The following ANO4 variants were observed in gnomAD, a reference collection of about 807,000 sequenced individuals.
ANO4 encodes anoctamin 4, also known as anoctamin-4.
In ANO4, 69 loss-of-function variants were observed where a neutral mutation model predicts 141.9. The observed-to-expected ratio is 0.49, with a 90% confidence interval of 0.40 to 0.59. ANO4 has a LOEUF of 0.59. Among genes scored for constraint, ANO4 ranks in the 20% least tolerant of loss-of-function variants. The pLI, the probability that ANO4 is intolerant of heterozygous loss-of-function variation, is 0.00. For missense variants in ANO4, 894 were observed against 1,162.2 expected (o/e 0.77, Z 3.36); for synonymous variants, 350 against 394.3 (o/e 0.89, Z 1.33).
At chr12:100,992,247 A>G (rs1030058907) in intron 8 of ANO4, among the ~76,000 whole-genome samples, 2 of 152,176 alleles carry the variant, frequency 1.3e-5, no homozygotes, top group East Asian at 3.8e-4. Context: ...AACTTTAGAC[A>G]CCAAAATTAT....
At chr12:101,095,020 C>T (rs568832646) in intron 18 of ANO4, among the ~76,000 whole-genome samples, 1 of 152,216 alleles carries the variant, frequency 6.6e-6, no homozygotes, top group African/African-American at 2.4e-5. Flanking sequence ...AAGAAATTGT[C>T]CCAATTTTAT....
upstream of ANO4, among the ~76,000 whole-genome samples, chr12:100,790,475 A>G (rs1323759613): frequency 5.3e-5 from 8 of 152,180 alleles, no homozygotes; most frequent in African/African-American, 1.9e-4. Flanking sequence ...TAACATTGGT[A>G]AGACTTAAGT....
chr12:101,109,578 A>T (rs2050583412), intron 22 of ANO4, among the ~76,000 whole-genome samples: 1 of 152,154 alleles, frequency 6.6e-6, no homozygotes, highest in South Asian at 2.1e-4. Flanking sequence ...AACAAAAAAC[A>T]AAACAAACAA....
At chr12:101,063,574 T>C (rs1293629362) in intron 14 of ANO4, among the ~76,000 whole-genome samples, 1 of 152,052 alleles carries the variant, frequency 6.6e-6, no homozygotes, top group Non-Finnish European at 1.5e-5. Context: ...GTTGGCCTCA[T>C]AAAGTGAGTT....
At chr12:100,949,210 A>G (rs1217140149) in intron 5 of ANO4, among the ~76,000 whole-genome samples, 1 of 152,206 alleles carries the variant, frequency 6.6e-6, no homozygotes, top group Non-Finnish European at 1.5e-5. Flanking sequence ...AAAGCAGAGA[A>G]CCCAGCTCAG....
In ANO4 at chr12:100,962,360, A is replaced by G. The variant is rs535864446; in HGVS notation, c.457-8946A>G. ...GAGAAGTGTACAGTCTCACAAAGACAGCAATGAAATCTATAATTAGAGTAT... is the reference window on the plus strand; with the variant it reads ...GAGAAGTGTACAGTCTCACAAAGACGGCAATGAAATCTATAATTAGAGTAT... On this transcript the variant is annotated intron_variant, in intron 5 of 27. Transcript: ENST00000392977. Among the ~76,000 whole-genome samples, 3 of 152,352 alleles carry G rather than the reference A, an allele frequency of 2.0e-5. No homozygotes were observed. In the South Asian group the frequency reaches 6.2e-4, roughly 32 times the overall value.
At chr12:100,888,680 A>G (rs1271435130) in intron 1 of ANO4, among the ~76,000 whole-genome samples, 2 of 152,204 alleles carry the variant, frequency 1.3e-5, no homozygotes, top group Non-Finnish European at 2.9e-5. Flanking sequence ...TTCCCAGGAC[A>G]CAGAACAGGT....
At chr12:100,724,021 C>CG (rs1241387587) in intron 1 of ANO4, among the ~76,000 whole-genome samples, 4 of 91,388 alleles carry the variant, frequency 4.4e-5, no homozygotes, top group African/African-American at 2.6e-4. Flanking sequence ...CAAAAACAAA[C>CG]AAAAAACAAA....
At chr12:100,981,437 GGGAAGGAA>G (rs149796199) in intron 7 of ANO4, among the ~76,000 whole-genome samples, 12,807 of 150,420 alleles carry the variant, frequency 0.085, 731 homozygotes, top group Admixed American at 0.18. Flanking sequence ...AAGAAAAGGA[GGGAAGGAA>G]GGAAGGAAGG....
At chr12:101,101,315 C>G (rs1209684173) in intron 22 of ANO4, among the ~76,000 whole-genome samples, 1 of 152,100 alleles carries the variant, frequency 6.6e-6, no homozygotes, top group Non-Finnish European at 1.5e-5. Flanking sequence ...TTGTTTCATT[C>G]AACATCATCT....
At chr12:101,126,727 C>T in intron 26 of ANO4, 152 bp from the exon 27 acceptor site, 1 of 638,498 alleles carries the variant, frequency 1.6e-6, no homozygotes, top group South Asian at 2.2e-5. Flanking sequence ...TCAGGCCTCA[C>T]CTGTCCTATC....
At chr12:100,806,034 T>A (rs2035001118) in intron 1 of ANO4, among the ~76,000 whole-genome samples, 1 of 152,078 alleles carries the variant, frequency 6.6e-6, no homozygotes, top group Non-Finnish European at 1.5e-5. Flanking sequence ...TCGGGAGGAT[T>A]TAGGGATGAA....
chr12:100,808,882 C>G (rs1224678831), intron 1 of ANO4, among the ~76,000 whole-genome samples: 3 of 152,146 alleles, frequency 2.0e-5, no homozygotes, highest in East Asian at 3.8e-4. Flanking sequence ...GTTTTTCACA[C>G]CCACAAATTC....
intron 1 of ANO4, among the ~76,000 whole-genome samples, chr12:100,850,364 C>T (rs1424968455): frequency 1.3e-5 from 2 of 152,132 alleles, no homozygotes; most frequent in Non-Finnish European, 2.9e-5. Flanking sequence ...GTCATTCCTC[C>T]TATGCTTTCC....
rs372004015 is a variant in ANO4 at position 100,970,663 on chromosome 12, C to CCCCTTCCT, written c.457-643_457-642insCCCTTCCT. Among the ~76,000 whole-genome samples the CCCCTTCCT allele has an allele frequency of 3.3e-5, 3 of 91,666 alleles. 1 individual carries two copies. Among genetic ancestry groups the CCCCTTCCT allele is most frequent in the Non-Finnish European group, 6.7e-5 (3 of 45,108 alleles). The allele number at this position is 91,666 out of a possible 152,430, so 60.1% of individuals were successfully genotyped here. On this transcript the variant is annotated intron_variant, in intron 5 of 27. Transcript: ENST00000392977. ...TCCCTTCCTCCCTCCCTCCCTCCCT[C>CCCCTTCCT]TCCTTCCTTCCTTCCTTCCTTCCTT...
In ANO4 at chr12:101,120,611, A is replaced by C. The variant is rs1384103928; in HGVS notation, c.2662A>C (p.Ile888Leu). The C allele has an allele frequency of 6.2e-7, 1 of 1,613,930 alleles. No homozygotes were observed. Among genetic ancestry groups the C allele is most frequent in the Non-Finnish European group, 8.5e-7 (1 of 1,179,884 alleles). The stretch of plus-strand genomic sequence containing the variant: ...TGTCCTAGCTGCTCGATTAGCTTTT[A>C]TCATTGTCTTTGAGGTAAGTTTCCT... ...WHVLAARLAF[I>L]IVFEHLVFCI... Residue 888 changes from isoleucine to leucine, a missense_variant, in exon 26 of 28, where the codon ATC becomes CTC. Physicochemically the swap from Ile to Leu is conservative, Grantham distance 5 (BLOSUM62 2). Transcript: ENST00000392977.
In ANO4 at chr12:101,104,627, G is replaced by GTATATA. The variant is rs1167784816; in HGVS notation, c.2149+4946_2149+4951dup. The stretch of plus-strand genomic sequence containing the variant: ...TGTGTGTGTGTGTGTATGTATGTGT[G>GTATATA]TATATATATATATATATATATATAT... On this transcript the variant is annotated intron_variant, in intron 22 of 27. Transcript: ENST00000392977. Among the ~76,000 whole-genome samples the GTATATA allele has an allele frequency of 5.1e-3, 314 of 61,890 alleles. 1 individual carries two copies. Among genetic ancestry groups the GTATATA allele is most frequent in the Non-Finnish European group, 6.8e-3 (233 of 34,460 alleles). The allele number at this position is 61,890 out of a possible 152,430, so 40.6% of individuals were successfully genotyped here. A position where few individuals can be genotyped will look rare whatever the true frequency, so the allele number is the denominator to read the frequency against.
intron 15 of ANO4, 65 bp downstream of exon 15, chr12:101,079,340 CA>C (rs1226959724): frequency 9.6e-6 from 12 of 1,247,608 alleles, no homozygotes; most frequent in Non-Finnish European, 8.0e-6. Context: ...GACCCCCCCC[CA>C]AAATTGTCAC....
chr12:101,033,907 TTAGAGA>T (rs2047088565), intron 9 of ANO4, among the ~76,000 whole-genome samples: 1 of 152,178 alleles, frequency 6.6e-6, no homozygotes, highest in Non-Finnish European at 1.5e-5. Context: ...TCACTGATTA[TTAGAGA>T]AATGCAAATC....
Sources: allele counts gnomAD v4.1 joint callset (sites outside exome capture counted in the v4.1 genomes callset), GRCh38; gene constraint gnomAD v4.1.1; transcripts MANE v1.5; gene names NCBI Gene and HGNC (gene_info 2026-07-23, HGNC 2026-07-21).